The following METTL14 variants were observed in gnomAD, a reference collection of about 807,000 sequenced individuals.
METTL14 encodes the protein N(6)-adenosine-methyltransferase non-catalytic subunit METTL14.
A neutral mutation model predicts 62.4 loss-of-function variants in METTL14; 32 were observed. The ratio of observed to expected loss-of-function variants is 0.51; its 90% CI spans 0.39 to 0.69. The LOEUF is 0.69. Ranked by LOEUF, METTL14 falls within the 30% of genes least tolerant of loss-of-function variation. The pLI is 0.00. For missense variants in METTL14, 340 were observed against 551.9 expected (o/e 0.62, Z 3.85); for synonymous variants, 150 against 180.0 (o/e 0.83, Z 1.34).
At chr4:118,699,607 T>C (rs139522718) in intron 7 of METTL14, among the ~76,000 whole-genome samples, 1 of 152,224 alleles carries the variant, frequency 6.6e-6, no homozygotes, top group African/African-American at 2.4e-5. Flanking sequence ...AATCTGATTA[T>C]GTTCTTTATT....
At chr4:118,704,686 C>G (rs1003825839) in intron 9 of METTL14, among the ~76,000 whole-genome samples, 5 of 152,060 alleles carry the variant, frequency 3.3e-5, no homozygotes, top group African/African-American at 1.2e-4. Context: ...CAGCTCCATG[C>G]CCCATGCCCC....
At chr4:118,701,167 A>G (rs185531547) in intron 8 of METTL14, among the ~76,000 whole-genome samples, 1,582 of 145,818 alleles carry the variant, frequency 0.011, 32 homozygotes, top group African/African-American at 0.037. Context: ...TTATTTTTTT[A>G]TTGGAGTTTT....
intron 10 of METTL14, 91 bp downstream of exon 10, chr4:118,705,912 T>G (rs925587365): frequency 3.3e-5 from 33 of 998,244 alleles, no homozygotes; most frequent in East Asian, 4.8e-5. Context: ...AAAGTTCTTA[T>G]GCATTTGATT....
chr4:118,698,915 C>T (rs183859399), intron 7 of METTL14, among the ~76,000 whole-genome samples: 158 of 152,082 alleles, frequency 1.0e-3, no homozygotes, highest in Non-Finnish European at 9.3e-4. Context: ...GATCGTGTCT[C>T]AGGATAAAAA....
In METTL14 at chr4:118,701,173, G is replaced by GT. The variant is rs370557403; in HGVS notation, c.738+540dup. Among the ~76,000 whole-genome samples the GT allele has an allele frequency of 9.6e-3, 1,089 of 113,818 alleles. 38 individuals carry two copies. Among genetic ancestry groups the GT allele is most frequent in the African/African-American group, 0.03 (1,012 of 33,862 alleles). 74.7% of individuals were successfully genotyped at this position (113,818 alleles called of 152,430 possible). A position where few individuals can be genotyped will look rare whatever the true frequency, so the allele number is the denominator to read the frequency against. ...TTTTTATTTTTATTTTTTTATTGGA[G>GT]TTTTTTTTTGTTTTTTTTTGTTTTT... On this transcript the variant is annotated intron_variant, in intron 8 of 10. Coordinates refer to ENST00000388822, the MANE Select transcript of METTL14 (RefSeq NM_020961.4).
intron 5 of METTL14, among the ~76,000 whole-genome samples, chr4:118,692,321 C>A (rs191030608): frequency 1.7e-3 from 259 of 151,648 alleles, no homozygotes; most frequent in African/African-American, 5.8e-3. Flanking sequence ...CTCTGCCTCC[C>A]AGATTCGAGC....
At position 118,710,854 on chromosome 4, in the gene METTL14, A is replaced by G. The variant is rs1218599902; in HGVS notation, c.*552A>G. Reference sequence around the variant, plus strand: ...GAACAAAAACTCTTCCCAAATCTAAATTTGATAGGGGAGGTGGAGATTCCA... The same window carrying G: ...GAACAAAAACTCTTCCCAAATCTAAGTTTGATAGGGGAGGTGGAGATTCCA... On this transcript the variant is annotated 3_prime_UTR_variant, in exon 11 of 11. Transcript: ENST00000388822. The G allele has an allele frequency of 6.6e-6, 1 of 151,914 alleles. No individual in the cohort carries two copies. The highest frequency in any genetic ancestry group is 1.5e-5 in the Non-Finnish European group (1 of 67,974). 9.4% of individuals were successfully genotyped at this position (151,914 alleles called of 1,614,324 possible). A position where few individuals can be genotyped will look rare whatever the true frequency, so the allele number is the denominator to read the frequency against.
At chr4:118,699,861 G>A (rs560401190) in intron 7 of METTL14, among the ~76,000 whole-genome samples, 1 of 152,262 alleles carries the variant, frequency 6.6e-6, no homozygotes, top group African/African-American at 2.4e-5. Context: ...CGTCCTGAAG[G>A]AAGTGCCAGT....
intron 1 of METTL14, 54 bp from the exon 2 acceptor site, chr4:118,687,869 C>A: frequency 6.8e-7 from 1 of 1,462,204 alleles, no homozygotes; most frequent in Non-Finnish European, 9.5e-7. Flanking sequence ...TACAAATGCC[C>A]AGAAAGGCTA....
At chr4:118,700,497 G>A in intron 7 of METTL14, 53 bp from the exon 8 acceptor site, 1 of 1,393,194 alleles carries the variant, frequency 7.2e-7, no homozygotes, top group East Asian at 2.3e-5. Flanking sequence ...TTTGGATTTA[G>A]GATGAATGGG....
Position 118,706,990 on chromosome 4 carries a change from G to T in METTL14, c.1066+1169G>T, listed in dbSNP as rs1351713075. On this transcript the variant is annotated intron_variant, in intron 10 of 10. Transcript: ENST00000388822. Reference sequence around the variant, plus strand: ...TATTTTGGAGAATAGTACTTTATCAGATTTGTTTTTTGCAAATATTTTCTC... The same window carrying T: ...TATTTTGGAGAATAGTACTTTATCATATTTGTTTTTTGCAAATATTTTCTC... 2.6e-5 allele frequency among the ~76,000 whole-genome samples: 4 copies of T among 152,156 alleles called. No homozygotes were observed. The East Asian group carries it at 7.7e-4, about 29-fold the overall frequency.
intron 6 of METTL14, among the ~76,000 whole-genome samples, chr4:118,695,719 C>T (rs191147740): frequency 3.3e-5 from 5 of 152,228 alleles, no homozygotes; most frequent in African/African-American, 7.2e-5. Context: ...TCATTTCAAC[C>T]GTTGCTAAGC....
chr4:118,686,492 A>C (rs1443910368), intron 1 of METTL14: 78 of 421,062 alleles, frequency 1.9e-4, no homozygotes, highest in Non-Finnish European at 1.2e-4. Context: ...TCAGTAATGA[A>C]ACTTGGTTTT....
intron 10 of METTL14, among the ~76,000 whole-genome samples, chr4:118,708,524 C>T (rs1450562229): frequency 6.6e-6 from 1 of 152,134 alleles, no homozygotes; most frequent in Non-Finnish European, 1.5e-5. Context: ...ACATAAAAGA[C>T]ACAGTATAAT....
chr4:118,685,658 T>G, intron 1 of METTL14, 58 bp downstream of exon 1: 1 of 1,464,334 alleles, frequency 6.8e-7, no homozygotes, highest in South Asian at 1.2e-5. Flanking sequence ...CGCGGCCGCC[T>G]CCTCCCTCCA....
intron 9 of METTL14, among the ~76,000 whole-genome samples, chr4:118,705,225 A>G (rs1441773566): frequency 1.3e-5 from 2 of 152,212 alleles, no homozygotes; most frequent in African/African-American, 4.8e-5. Flanking sequence ...CTGTAATCCC[A>G]GCACTTTGGG....
At chr4:118,691,394 C>T (rs1195008678) in intron 3 of METTL14, 138 bp from the exon 4 acceptor site, 2 of 548,788 alleles carry the variant, frequency 3.6e-6, no homozygotes, top group Non-Finnish European at 6.3e-6. Context: ...AAAGCAAAGA[C>T]TTCAATGTTT....
chr4:118,691,521 T>C lies in METTL14; in HGVS notation c.244-11T>C, dbSNP rs767809303. ...TTTGTAAAATATTTACTTAATCTTA[T>C]GTTTTTCAAGGATGAACTAGAAATG... is the stretch of plus-strand genomic sequence containing the variant. On this transcript the variant is annotated splice_polypyrimidine_tract_variant and intron_variant, in intron 3 of 10. Transcript: ENST00000388822. 7 of 1,492,354 alleles carry C rather than the reference T, an allele frequency of 4.7e-6. No individual in the cohort carries two copies. Among genetic ancestry groups the C allele is most frequent in the Middle Eastern group, 1.7e-4 (1 of 5,794 alleles). 92.4% of individuals were successfully genotyped at this position (1,492,354 alleles called of 1,614,324 possible). A position where few individuals can be genotyped will look rare whatever the true frequency, so the allele number is the denominator to read the frequency against.
intron 5 of METTL14, among the ~76,000 whole-genome samples, chr4:118,692,328 G>C (rs111489988): frequency 1.3e-5 from 2 of 149,368 alleles, no homozygotes; most frequent in African/African-American, 4.9e-5. Flanking sequence ...TCCCAGATTC[G>C]AGCGATTCTC....
Sources: gnomAD v4.1 joint callset for allele counts (sites outside exome capture counted in the v4.1 genomes callset) on GRCh38, gnomAD v4.1.1 for gene constraint, MANE v1.5 for transcripts, NCBI Gene and HGNC (gene_info 2026-07-23, HGNC 2026-07-21) for gene names.